Variants in OPRM1 observed in about 807,000 individuals in gnomAD.
The protein encoded by OPRM1 is opioid receptor mu 1, also known as mu-type opioid receptor.
In OPRM1, 27 loss-of-function variants were observed where a neutral mutation model predicts 31.8. The observed-to-expected ratio is 0.85, with a 90% confidence interval of 0.63 to 1.17. The LOEUF is 1.17. Among genes scored for constraint, OPRM1 ranks in the 50% most tolerant of loss-of-function variants. The pLI is 0.00. For synonymous variants in OPRM1, 196 were observed against 189.9 expected (o/e 1.03, Z -0.26); for missense variants, 536 against 511.1 (o/e 1.05, Z -0.47).
At chr6:154,069,974 G>A (rs553644281) in intron 1 of OPRM1, among the ~76,000 whole-genome samples, 1 of 152,208 alleles carries the variant, frequency 6.6e-6, no homozygotes, top group Non-Finnish European at 1.5e-5. Context: ...GAAGTAGGGG[G>A]GAAATGGTCC....
chr6:154,043,131 T>C (rs978118892), intron 1 of OPRM1, among the ~76,000 whole-genome samples: 5 of 152,142 alleles, frequency 3.3e-5, no homozygotes, highest in African/African-American at 9.6e-5. Context: ...TGTTGAAAAG[T>C]GGAGGGCTAG....
intron 3 of OPRM1, among the ~76,000 whole-genome samples, chr6:154,096,429 C>T (rs1432067467): frequency 2.0e-5 from 3 of 152,114 alleles, no homozygotes; most frequent in Non-Finnish European, 4.4e-5. Context: ...GGGAAAAAAG[C>T]AACACTGTTA....
intron 3 of OPRM1, among the ~76,000 whole-genome samples, chr6:154,115,369 G>T (rs191869884): frequency 6.6e-6 from 1 of 152,010 alleles, no homozygotes; most frequent in African/African-American, 2.4e-5. Flanking sequence ...GTGAAACCCC[G>T]TCTCTACCAA....
intron 3 of OPRM1, among the ~76,000 whole-genome samples, chr6:154,171,336 A>T (rs1407854407): frequency 1.3e-5 from 2 of 152,194 alleles, no homozygotes; most frequent in Non-Finnish European, 2.9e-5. Context: ...GAACCTTGAA[A>T]ACATTTTGCT....
At chr6:154,205,311 T>C (rs1453280437) in intron 3 of OPRM1, among the ~76,000 whole-genome samples, 1 of 152,160 alleles carries the variant, frequency 6.6e-6, no homozygotes, top group African/African-American at 2.4e-5. Context: ...TATTAAAACA[T>C]TGGCTAGATG....
At position 154,048,171 on chromosome 6, in the gene OPRM1, T is replaced by C. The variant is rs79332140; in HGVS notation, c.290+8337T>C. On this transcript the variant is annotated intron_variant, in intron 1 of 3. Coordinates refer to ENST00000330432, the MANE Select transcript of OPRM1 (RefSeq NM_000914.5). The stretch of plus-strand genomic sequence containing the variant: ...GTGATTCAAATATTAACCACTCATA[T>C]TCACTGAAAACCATTAGTGTGATTT... Among the ~76,000 whole-genome samples, 490 of 152,354 alleles carry C rather than the reference T, an allele frequency of 3.2e-3. 2 individuals carry two copies. Among genetic ancestry groups the C allele is most frequent in the African/African-American group, 0.011 (477 of 41,590 alleles).
At chr6:154,202,084 T>A (rs1583785068) in intron 3 of OPRM1, among the ~76,000 whole-genome samples, 1 of 152,202 alleles carries the variant, frequency 6.6e-6, no homozygotes, top group South Asian at 2.1e-4. Flanking sequence ...TGAGTTTTGA[T>A]GGGAGAAGCC....
chr6:154,232,484 T>C (rs1414376297), intron 3 of OPRM1, among the ~76,000 whole-genome samples: 1 of 152,160 alleles, frequency 6.6e-6, no homozygotes, highest in Non-Finnish European at 1.5e-5. Context: ...AACACCAAGC[T>C]AGCCTGGTAT....
chr6:154,095,516 C>T (rs1049815476), intron 3 of OPRM1, among the ~76,000 whole-genome samples: 1 of 152,144 alleles, frequency 6.6e-6, no homozygotes, highest in African/African-American at 2.4e-5. Flanking sequence ...TCCTTTTCTC[C>T]TCCTCAGCCT....
intron 3 of OPRM1, among the ~76,000 whole-genome samples, chr6:154,165,027 T>C (rs1312187784): frequency 6.6e-6 from 1 of 152,160 alleles, no homozygotes; most frequent in Non-Finnish European, 1.5e-5. Flanking sequence ...ATATAAACAT[T>C]ATTGTTAAAA....
intron 3 of OPRM1, among the ~76,000 whole-genome samples, chr6:154,238,929 T>TAAA (rs1562560427): frequency 2.6e-5 from 4 of 151,774 alleles, no homozygotes; most frequent in African/African-American, 9.7e-5. Flanking sequence ...GTTGTTTTTT[T>TAAA]TAAAAAAAAA....
At chr6:154,086,468 T>C (rs930037941) in intron 1 of OPRM1, 1 of 463,022 alleles carries the variant, frequency 2.2e-6, no homozygotes, top group African/African-American at 2.1e-5. Context: ...ATTTACCATA[T>C]ACAACATGAT....
chr6:154,152,332 AAAGAAAG>A lies in OPRM1; in HGVS notation c.1164+60863_1164+60869del, dbSNP rs750160465. ...GAAAGAAAGAAAGAAAGAAAGAAAGAAAGAAAGAAAGAAAGGAAAGAAAGAAAGAAAG... is the reference window on the plus strand; with the variant it reads ...GAAAGAAAGAAAGAAAGAAAGAAAGAAAAGAAAGGAAAGAAAGAAAGAAAG... On this transcript the variant is annotated intron_variant, in intron 3 of 3. Transcript: ENST00000337049. Among the ~76,000 whole-genome samples, 95 of 18,322 alleles carry A rather than the reference AAAGAAAG, an allele frequency of 5.2e-3. 1 individual carries two copies. The highest frequency in any genetic ancestry group is 0.012 in the South Asian group (6 of 498). 12.0% of individuals were successfully genotyped at this position (18,322 alleles called of 152,430 possible). A position where few individuals can be genotyped will look rare whatever the true frequency, so the allele number is the denominator to read the frequency against.
intron 3 of OPRM1, among the ~76,000 whole-genome samples, chr6:154,203,482 T>C (rs1427535337): frequency 6.6e-6 from 1 of 152,238 alleles, no homozygotes; most frequent in African/African-American, 2.4e-5. Context: ...TCTGTATCCA[T>C]GGATTCCAAA....
At chr6:154,166,088 A>T (rs764422937) in intron 3 of OPRM1, among the ~76,000 whole-genome samples, 1 of 152,232 alleles carries the variant, frequency 6.6e-6, no homozygotes, top group Non-Finnish European at 1.5e-5. Context: ...AGCAAGCCAC[A>T]CCCAGATTCC....
At position 154,039,503 on chromosome 6, in the gene OPRM1, C is replaced by T. The variant is rs772821002; in HGVS notation, c.-42C>T. The T allele has an allele frequency of 3.2e-6, 5 of 1,578,612 alleles. No homozygotes were observed. In the African/African-American group the frequency reaches 6.7e-5, roughly 21 times the overall value. On this transcript the variant is annotated 5_prime_UTR_variant, in exon 1 of 4. Transcript: ENST00000330432. ...TGGAACCCGAAAAGTCTCGGTGCTC[C>T]TGGCTACCTCGCACAGCGGTGCCCG...
intron 1 of OPRM1, among the ~76,000 whole-genome samples, chr6:154,044,067 A>G (rs187005153): frequency 1.6e-4 from 24 of 152,234 alleles, no homozygotes; most frequent in Non-Finnish European, 2.9e-4. Flanking sequence ...AAAGATAAAA[A>G]ATATATAATT....
intron 3 of OPRM1, chr6:154,155,657 C>A (rs139380960): frequency 1.3e-5 from 2 of 151,866 alleles, no homozygotes; most frequent in Admixed American, 1.3e-4. Context: ...ATTAGCCGGG[C>A]GTAGTCCCAG....
chr6:154,188,510 G>A (rs1366083915), intron 3 of OPRM1, among the ~76,000 whole-genome samples: 1 of 152,250 alleles, frequency 6.6e-6, no homozygotes, highest in African/African-American at 2.4e-5. Flanking sequence ...GCATGTGTGT[G>A]TATGTGTGGG....
Sources: allele counts gnomAD v4.1 joint callset (sites outside exome capture counted in the v4.1 genomes callset), GRCh38; gene constraint gnomAD v4.1.1; transcripts MANE v1.5; gene names NCBI Gene and HGNC (gene_info 2026-07-23, HGNC 2026-07-21).